Variants in AUNIP observed in about 807,000 individuals in gnomAD.
AUNIP encodes the protein aurora kinase A- and ninein-interacting protein.
Under a neutral mutation model 12.2 loss-of-function variants are expected in AUNIP, and 16 were observed. The observed-to-expected ratio is 1.31, with a 90% CI of 0.88 to 1.99. The LOEUF (loss-of-function observed/expected upper bound fraction) is 1.99, where lower values mean the gene tolerates loss of function less well. Among genes scored for constraint, AUNIP ranks in the 30% most tolerant of loss-of-function variants. The probability of loss-of-function intolerance (pLI) is 0.00; values close to 1 mark genes in which losing one functional copy is unlikely to be tolerated. For missense variants in AUNIP, 411 were observed against 419.1 expected (o/e 0.98, Z 0.17); for synonymous variants, 142 against 154.8 (o/e 0.92, Z 0.61).
chr1:25,850,008 G>T (rs1259569947), intron 1 of AUNIP, among the ~76,000 whole-genome samples: 1 of 151,478 alleles, frequency 6.6e-6, no homozygotes, highest in Non-Finnish European at 1.5e-5. Context: ...CCACTTTTTG[G>T]CTATTATGAG....
chr1:25,837,381 A>T (rs1317902750), intron 2 of AUNIP, 32 bp downstream of exon 2: 7 of 1,596,396 alleles, frequency 4.4e-6, no homozygotes, highest in Admixed American at 3.6e-5. Context: ...TTTGCTCTGG[A>T]TAATGAAGTA....
chr1:25,845,745 C>T (rs559717367), intron 1 of AUNIP, among the ~76,000 whole-genome samples: 4 of 152,262 alleles, frequency 2.6e-5, no homozygotes, highest in African/African-American at 4.8e-5. Context: ...AAGGATTTCC[C>T]GTTTTCATTT....
downstream of AUNIP, among the ~76,000 whole-genome samples, chr1:25,833,304 TG>T (rs71004544): frequency 6.6e-6 from 1 of 151,896 alleles, no homozygotes; most frequent in African/African-American, 2.4e-5. Flanking sequence ...TTTGTAGCGA[TG>T]GGGTCTTGCT....
At position 25,835,062 on chromosome 1, in the gene AUNIP, T is replaced by C; in HGVS notation, c.1005A>G (p.Gln335=). The change falls in exon 3 of 3, where the codon CAA becomes CAG. Residue 335 remains glutamine, a synonymous_variant. Transcript: ENST00000374298. ...WAQCQEDGPT[Q]NLKPDLLFTQ... ...TAAAGAGCAAATCAGGCTTCAGATTTTGAGTTGGCCCATCCTCCTGGCACT... is the reference window on the plus strand; with the variant it reads ...TAAAGAGCAAATCAGGCTTCAGATTCTGAGTTGGCCCATCCTCCTGGCACT... 6.2e-7 allele frequency: 1 copy of C among 1,614,240 alleles called. No individual in the cohort carries two copies. The highest frequency in any genetic ancestry group is 1.3e-5 in the African/African-American group (1 of 75,072).
chr1:25,858,042 C>T (rs976102267), intron 1 of AUNIP, among the ~76,000 whole-genome samples: 2 of 152,096 alleles, frequency 1.3e-5, no homozygotes, highest in Non-Finnish European at 2.9e-5. Context: ...TGGTGGCCGC[C>T]TGTAGTCCCA....
chr1:25,837,685 A>C, intron 1 of AUNIP, 131 bp from the exon 2 acceptor site: 144 of 884,126 alleles, frequency 1.6e-4, no homozygotes, highest in Middle Eastern at 3.8e-4. Context: ...GCCTATTCTC[A>C]AGGTAGTTGG....
In AUNIP at chr1:25,837,300, G is replaced by A; in HGVS notation, c.220+113C>T. 4 of 1,320,336 alleles carry A rather than the reference G, an allele frequency of 3.0e-6. No homozygotes were observed. The South Asian group carries it at 6.3e-5, about 21-fold the overall frequency. The allele number at this position is 1,320,336 out of a possible 1,614,324, so 81.8% of individuals were successfully genotyped here. Reference sequence around the variant, plus strand: ...TTTATAACCTCTTCTAACAGGCTAAGTTTAACACAATGCACTGGTTTCACC... The same window carrying A: ...TTTATAACCTCTTCTAACAGGCTAAATTTAACACAATGCACTGGTTTCACC... On this transcript the variant is annotated intron_variant, in intron 2 of 2. Transcript: ENST00000374298.
chr1:25,856,422 G>A (rs987783773), intron 1 of AUNIP, among the ~76,000 whole-genome samples: 3 of 150,586 alleles, frequency 2.0e-5, no homozygotes, highest in African/African-American at 7.3e-5. Flanking sequence ...AGTGGCTCAC[G>A]CCTGTAATCC....
chr1:25,846,494 C>T lies in AUNIP; in HGVS notation c.79-8940G>A, dbSNP rs542882441. ...ATCCTAGCACTTTGGGAAGCCAAGG[C>T]GAGCAGATCACCTGTGGTCAGGAGT... On this transcript the variant is annotated intron_variant, in intron 1 of 2. Coordinates refer to ENST00000374298, the MANE Select transcript of AUNIP (RefSeq NM_024037.3). Among the ~76,000 whole-genome samples, 66 of 147,860 alleles carry T rather than the reference C, an allele frequency of 4.5e-4. 1 individual carries two copies. Among genetic ancestry groups the T allele is most frequent in the South Asian group, 1.1e-3 (5 of 4,690 alleles).
Position 25,835,616 on chromosome 1 carries a change from T to C in AUNIP, c.451A>G (p.Thr151Ala). ...GHHRMKTPFSTELSLLQPDTP... is the reference protein window; with the variant it reads ...GHHRMKTPFSAELSLLQPDTP... ...TCAGGCTGGAGCAAAGATAGCTCAG[T>C]TGAAAATGGGGTTTTCATTCTGTGG... The change falls in exon 3 of 3, where the codon ACT (threonine) becomes GCT (alanine). Residue 151 changes from threonine (T) to alanine (A), a missense_variant. Physicochemically the swap from Thr to Ala is moderately conservative, Grantham distance 58. Transcript: ENST00000374298. The C allele has an allele frequency of 1.9e-6, 3 of 1,614,238 alleles. No homozygotes were observed. Among genetic ancestry groups the C allele is most frequent in the Non-Finnish European group, 2.5e-6 (3 of 1,180,040 alleles).
Position 25,834,226 on chromosome 1 carries a change from G to A in AUNIP, c.*767C>T, listed in dbSNP as rs970571145. 2 of 985,350 alleles carry A rather than the reference G, an allele frequency of 2.0e-6. No individual in the cohort carries two copies. The highest frequency in any genetic ancestry group is 2.4e-6 in the Non-Finnish European group (2 of 829,920). 61.0% of individuals were successfully genotyped at this position (985,350 alleles called of 1,614,324 possible). A position where few individuals can be genotyped will look rare whatever the true frequency, so the allele number is the denominator to read the frequency against. On this transcript the variant is annotated 3_prime_UTR_variant, in exon 3 of 3. Transcript: ENST00000374298. ...CTACCTCTCTTCTCTCCACACCTGG[G>A]TTGTGGGGAGATTTGCTAATCACTG...
At chr1:25,857,356 C>T (rs551815066) in intron 1 of AUNIP, among the ~76,000 whole-genome samples, 164 of 150,692 alleles carry the variant, frequency 1.1e-3, no homozygotes, top group African/African-American at 3.9e-3. Flanking sequence ...AGCAATTCTC[C>T]TGTCTCAGCC....
At chr1:25,855,965 G>A (rs1444384978) in intron 1 of AUNIP, among the ~76,000 whole-genome samples, 1 of 152,096 alleles carries the variant, frequency 6.6e-6, no homozygotes, top group Non-Finnish European at 1.5e-5. Context: ...ATAAGTTAAG[G>A]GCCTAGAGAT....
chr1:25,837,449 G>A lies in AUNIP; in HGVS notation c.184C>T (p.Gln62Ter). Residue 62 changes from glutamine (Q) to a stop codon, truncating the protein, a stop_gained, in exon 2 of 3, where the codon CAG becomes TAG. Transcript: ENST00000374298. LOFTEE classifies it low-confidence loss of function (END_TRUNC). Reference protein sequence around the residue: ...QRRAPSTGIHQRSIASFFTLQ... With the variant: ...QRRAPSTGIH ...GTGAAGAAGGAAGCAATGCTTCTCT[G>A]GTGAATGCCTGTAGATGGAGCTCTT... 1 of 1,613,978 alleles carries A rather than the reference G, an allele frequency of 6.2e-7. No individual in the cohort carries two copies. Among genetic ancestry groups the A allele is most frequent in the Non-Finnish European group, 8.5e-7 (1 of 1,179,918 alleles).
At chr1:25,858,080 T>C (rs531438129) in intron 1 of AUNIP, among the ~76,000 whole-genome samples, 1 of 152,296 alleles carries the variant, frequency 6.6e-6, no homozygotes, top group African/African-American at 2.4e-5. Flanking sequence ...GGCAGGAGAA[T>C]GGCGTGAACC....
chr1:25,851,272 G>A (rs2048422278), intron 1 of AUNIP, among the ~76,000 whole-genome samples: 1 of 152,106 alleles, frequency 6.6e-6, no homozygotes, highest in South Asian at 2.1e-4. Flanking sequence ...TGTTTTGCTT[G>A]TATTTTGTTG....
intron 1 of AUNIP, 144 bp from the exon 2 acceptor site, chr1:25,837,698 C>T: frequency 1.3e-6 from 1 of 770,788 alleles, no homozygotes; most frequent in Non-Finnish European, 1.9e-6. Flanking sequence ...GTAGTTGGTG[C>T]TGGACATCAT....
rs750563874 is a variant in AUNIP at position 25,835,638 on chromosome 1, G to T, written c.429C>A (p.His143Gln). 2 of 1,614,240 alleles carry T rather than the reference G, an allele frequency of 1.2e-6. No homozygotes were observed. The highest frequency in any genetic ancestry group is 1.7e-6 in the Non-Finnish European group (2 of 1,180,044). The change falls in exon 3 of 3, where the codon CAC (histidine) becomes CAA (glutamine). Residue 143 changes from histidine to glutamine, a missense_variant. By Grantham distance (24) the His-to-Gln change is conservative. Coordinates refer to ENST00000374298, the MANE Select transcript of AUNIP (RefSeq NM_024037.3). ...CAGTTGAAAATGGGGTTTTCATTCTGTGGTGGCCAGAAGTCTGGAGGGACT... is the reference window on the plus strand; with the variant it reads ...CAGTTGAAAATGGGGTTTTCATTCTTTGGTGGCCAGAAGTCTGGAGGGACT... Reference protein sequence around the residue: ...SPQSLQTSGHHRMKTPFSTEL... With the variant: ...SPQSLQTSGHQRMKTPFSTEL...
At chr1:25,839,319 C>G (rs185085771) in intron 1 of AUNIP, among the ~76,000 whole-genome samples, 454 of 152,302 alleles carry the variant, frequency 3.0e-3, no homozygotes, top group Middle Eastern at 0.017. Context: ...GAAGGGAGAC[C>G]TCTGCATAGG....
Sources: allele counts gnomAD v4.1 joint callset (sites outside exome capture counted in the v4.1 genomes callset), GRCh38; gene constraint gnomAD v4.1.1; transcripts MANE v1.5; gene names NCBI Gene and HGNC (gene_info 2026-07-23, HGNC 2026-07-21).